Variants in CCDC7 observed in about 807,000 individuals in gnomAD.
CCDC7 encodes coiled-coil domain-containing protein 7.
Under a neutral mutation model 196.9 loss-of-function variants are expected in CCDC7, and 183 were observed. That is an observed-to-expected ratio of 0.93 (90% CI 0.82 to 1.05). The LOEUF is 1.05. Among genes scored for constraint, CCDC7 ranks in the 50% least tolerant of loss-of-function variants. The pLI is 0.00. For missense variants in CCDC7, 1,540 were observed against 1,482.2 expected, an observed-to-expected ratio of 1.04 and a Z score of -0.64; for synonymous variants, 525 against 484.6, an observed-to-expected ratio of 1.08 and a Z score of -1.10.
At chr10:32,667,446 T>C (rs970572412) in intron 21 of CCDC7, among the ~76,000 whole-genome samples, 2 of 152,222 alleles carry the variant, frequency 1.3e-5, no homozygotes, top group Non-Finnish European at 2.9e-5. Flanking sequence ...TCTTTACCCA[T>C]GCCTATGTCC....
chr10:32,459,633 T>A (rs957397562), intron 3 of CCDC7, among the ~76,000 whole-genome samples: 7 of 143,318 alleles, frequency 4.9e-5, no homozygotes, highest in African/African-American at 1.8e-4. Flanking sequence ...GCCTTTGGAC[T>A]TCCCTGCTGC....
At position 32,814,251 on chromosome 10, in the gene CCDC7, C is replaced by T. The variant is rs879180825; in HGVS notation, c.3098-119C>T. ...GGGATTACAGGCGTGAGCCACCGTG[C>T]CCAGCCACAAATATTTTAAGTTAGT... On this transcript the variant is annotated intron_variant, in intron 30 of 41. Transcript: ENST00000639629. The T allele has an allele frequency of 5.9e-5, 43 of 731,932 alleles. No homozygotes were observed. In the South Asian group the frequency reaches 7.0e-4, roughly 12 times the overall value. 45.3% of individuals were successfully genotyped at this position (731,932 alleles called of 1,614,324 possible). A position where few individuals can be genotyped will look rare whatever the true frequency, so the allele number is the denominator to read the frequency against.
At chr10:32,622,224 C>G (rs1590723541) in intron 18 of CCDC7, among the ~76,000 whole-genome samples, 1 of 152,250 alleles carries the variant, frequency 6.6e-6, no homozygotes, top group African/African-American at 2.4e-5. Flanking sequence ...TGTCCTTTTT[C>G]TAACATTGGA....
chr10:32,533,634 AT>A, intron 11 of CCDC7, among the ~76,000 whole-genome samples: 1 of 151,920 alleles, frequency 6.6e-6, no homozygotes, highest in Non-Finnish European at 1.5e-5. Context: ...AGAAGACTTT[AT>A]ATCTCCTTCA....
chr10:32,540,976 C>T (rs1174356858), intron 11 of CCDC7, among the ~76,000 whole-genome samples: 1 of 151,708 alleles, frequency 6.6e-6, no homozygotes, highest in Non-Finnish European at 1.5e-5. Context: ...TTCCAGGTTG[C>T]TTGCTTTTTC....
chr10:32,527,221 C>T (rs912731213), intron 11 of CCDC7, among the ~76,000 whole-genome samples: 1 of 152,168 alleles, frequency 6.6e-6, no homozygotes, highest in Non-Finnish European at 1.5e-5. Context: ...AGTCCCCCCA[C>T]TGTTGTGCTC....
intron 31 of CCDC7, among the ~76,000 whole-genome samples, chr10:32,819,274 A>T (rs545991926): frequency 6.6e-6 from 1 of 152,174 alleles, no homozygotes; most frequent in Admixed American, 6.6e-5. Flanking sequence ...GGAAGAAGTT[A>T]AATCTCTGAA....
intron 18 of CCDC7, among the ~76,000 whole-genome samples, chr10:32,606,533 C>T (rs2061574960): frequency 1.3e-5 from 2 of 152,238 alleles, no homozygotes; most frequent in Non-Finnish European, 2.9e-5. Context: ...CCCTGCACAG[C>T]CACAGGGGCA....
intron 18 of CCDC7, among the ~76,000 whole-genome samples, chr10:32,632,641 G>C (rs549729324): frequency 1.3e-5 from 2 of 151,960 alleles, no homozygotes; most frequent in African/African-American, 4.8e-5. Flanking sequence ...ATGTGTTTTT[G>C]TTTTTCTTCA....
chr10:32,757,686 A>G (rs974989107), intron 28 of CCDC7, among the ~76,000 whole-genome samples: 2 of 152,250 alleles, frequency 1.3e-5, no homozygotes, highest in Non-Finnish European at 2.9e-5. Flanking sequence ...CATCACAATT[A>G]AAAGAACTAG....
At position 32,522,664 on chromosome 10, in the gene CCDC7, T is replaced by G. The variant is rs554058682; in HGVS notation, c.993+4159T>G. Among the ~76,000 whole-genome samples, 86 of 152,292 alleles carry G rather than the reference T, an allele frequency of 5.6e-4. No homozygotes were observed. In the Middle Eastern group the frequency reaches 0.014, roughly 24 times the overall value. On this transcript the variant is annotated intron_variant, in intron 11 of 41. Coordinates refer to ENST00000639629, the Ensembl canonical transcript of CCDC7. ...ATTGTTTTCTTCATCAGAAATTCATTTATGTCTGCTCTGATCTTTATTATT... is the reference window on the plus strand; with the variant it reads ...ATTGTTTTCTTCATCAGAAATTCATGTATGTCTGCTCTGATCTTTATTATT...
intron 33 of CCDC7, among the ~76,000 whole-genome samples, chr10:32,835,731 G>A (rs992787457): frequency 2.6e-5 from 4 of 151,806 alleles, no homozygotes; most frequent in African/African-American, 9.7e-5. Flanking sequence ...TAACTAATGG[G>A]TACTAGGCTT....
rs775441734 is a variant in CCDC7, at chr10:32,846,360, C to A, written c.3605-16C>A. 2.8e-6 allele frequency: 4 copies of A among 1,409,328 alleles called. No homozygotes were observed. The highest frequency in any genetic ancestry group is 4.0e-6 in the Non-Finnish European group (4 of 1,006,868). The allele number at this position is 1,409,328 out of a possible 1,614,324, so 87.3% of individuals were successfully genotyped here. A position where few individuals can be genotyped will look rare whatever the true frequency, so the allele number is the denominator to read the frequency against. On this transcript the variant is annotated splice_polypyrimidine_tract_variant and intron_variant, in intron 36 of 41. Transcript: ENST00000639629. The stretch of plus-strand genomic sequence containing the variant: ...TTTACCTTATAAAGTATTTTGAAAT[C>A]TGTTTAATTCTATAGAGACTGATAA...
intron 18 of CCDC7, among the ~76,000 whole-genome samples, chr10:32,631,222 C>A (rs1012823242): frequency 1.2e-4 from 18 of 152,072 alleles, no homozygotes; most frequent in African/African-American, 4.3e-4. Flanking sequence ...ATCCAAGAAA[C>A]CATTGCCTAA....
chr10:32,877,534 G>A (rs1278963648), downstream of CCDC7, among the ~76,000 whole-genome samples: 4 of 152,008 alleles, frequency 2.6e-5, no homozygotes, highest in African/African-American at 9.7e-5. Flanking sequence ...GATTGTTAGG[G>A]TTATCTAAAC....
intron 18 of CCDC7, among the ~76,000 whole-genome samples, chr10:32,596,750 G>C (rs940294191): frequency 2.6e-5 from 4 of 152,120 alleles, no homozygotes; most frequent in African/African-American, 9.7e-5. Flanking sequence ...GCATTTGTTT[G>C]TCTGTAAAGT....
At chr10:32,568,254 C>A (rs2057134931) in intron 15 of CCDC7, among the ~76,000 whole-genome samples, 1 of 152,078 alleles carries the variant, frequency 6.6e-6, no homozygotes, top group African/African-American at 2.4e-5. Context: ...ATCTGCCTGC[C>A]TCGGCCTCCC....
intron 16 of CCDC7, among the ~76,000 whole-genome samples, chr10:32,572,114 A>C (rs550636774): frequency 2.6e-5 from 4 of 152,266 alleles, no homozygotes; most frequent in African/African-American, 9.6e-5. Flanking sequence ...AATTAAGGAC[A>C]ATGTAGAAAC....
intron 31 of CCDC7, among the ~76,000 whole-genome samples, chr10:32,816,378 C>T (rs953547452): frequency 1.3e-5 from 2 of 152,200 alleles, no homozygotes; most frequent in African/African-American, 4.8e-5. Context: ...CTCAAGGAGG[C>T]CTGCCTGCCT....
Sources: allele counts gnomAD v4.1 joint callset (sites outside exome capture counted in the v4.1 genomes callset), GRCh38; gene constraint gnomAD v4.1.1; transcripts MANE v1.5; gene names NCBI Gene and HGNC (gene_info 2026-07-23, HGNC 2026-07-21).